Variants in CELSR1 observed in about 807,000 individuals in gnomAD.
CELSR1 encodes the protein adhesion G protein-coupled receptor C1.
Under a neutral mutation model 249.1 loss-of-function variants are expected in CELSR1, and 110 were observed. The observed-to-expected ratio is 0.44, with a 90% CI of 0.38 to 0.52. The LOEUF (loss-of-function observed/expected upper bound fraction) is 0.52, where lower values mean the gene tolerates loss of function less well. Among genes scored for constraint, CELSR1 ranks in the 20% least tolerant of loss-of-function variants. The pLI is 0.00. For synonymous variants in CELSR1, 2,113 were observed against 1,900.0 expected (o/e 1.11, Z -2.92); for missense variants, 4,109 against 4,296.4 (o/e 0.96, Z 1.22).
At position 46,397,859 on chromosome 22, in the gene CELSR1, T is replaced by C; in HGVS notation, c.5527-11A>G. ...CCCCATCCTCACTCCCTGCATTAAG[T>C]AAACGGCACTGGGGCTACAGGAGCC... On this transcript the variant is annotated splice_polypyrimidine_tract_variant and intron_variant, in intron 11 of 34. Transcript: ENST00000674500. 5 of 1,534,264 alleles carry C rather than the reference T, an allele frequency of 3.3e-6. No individual in the cohort carries two copies. Among genetic ancestry groups the C allele is most frequent in the Non-Finnish European group, 4.4e-6 (5 of 1,135,224 alleles).
chr22:46,364,029 G>A lies in CELSR1; in HGVS notation c.9002C>T (p.Thr3001Ile), dbSNP rs1477566347. Residue 3001 changes from threonine to isoleucine, a missense_variant, in exon 34 of 35, where the codon ACT (threonine) becomes ATT (isoleucine). Physicochemically the swap from Thr to Ile is moderately conservative, Grantham distance 89 (BLOSUM62 -1). Around this residue, in one of 7 missense-constraint regions of CELSR1, gnomAD observed 1,805 missense variants for 1,831.6 expected, o/e 0.99. Coordinates refer to ENST00000674500, the MANE Select transcript of CELSR1 (RefSeq NM_001378328.1). ...GGAGCCATCGGCCTGGGCGCTCCCA[G>A]TGCGCACATTCATGGCCACCCCGTT... ...HLNGVAMNVR[T>I]GSAQADGSDS... The A allele has an allele frequency of 6.2e-6, 10 of 1,610,898 alleles. 1 individual carries two copies. The South Asian group carries it at 1.1e-4, about 18-fold the overall frequency.
Position 46,534,653 on chromosome 22 carries a change from C to G in CELSR1, c.2518G>C (p.Asp840His). ...DPVPQFRIDP[D>H]SGTMYTMMEL... ...ATCATGGTGTACATGGTGCCACTGT[C>G]GGGGTCAATGCGGAACTGCGGCACG... The change falls in exon 1 of 35, where the codon GAC becomes CAC. Residue 840 changes from aspartate (D) to histidine (H), a missense_variant. This residue lies in a region of CELSR1 where 886 missense variants were observed against 896.5 expected (regional missense o/e 0.99). Transcript: ENST00000674500. The surrounding 1 kb of genome is among the most constrained non-coding windows in gnomAD (Gnocchi z 9.7). 4 of 1,613,824 alleles carry G rather than the reference C, an allele frequency of 2.5e-6. No homozygotes were observed. Among genetic ancestry groups the G allele is most frequent in the Non-Finnish European group, 3.4e-6 (4 of 1,180,030 alleles).
chr22:46,487,842 G>A (rs2080329931), intron 1 of CELSR1, among the ~76,000 whole-genome samples: 1 of 144,534 alleles, frequency 6.9e-6, no homozygotes, highest in South Asian at 2.3e-4. Flanking sequence ...TTGGGAAGAA[G>A]GGAGTCCAGG....
At chr22:46,416,686 G>C (rs892713633) in intron 5 of CELSR1, among the ~76,000 whole-genome samples, 5 of 152,174 alleles carry the variant, frequency 3.3e-5, no homozygotes, top group African/African-American at 1.2e-4. Flanking sequence ...TGGCCCAGAA[G>C]CGCTAAGCTG....
Position 46,412,747 on chromosome 22 carries a change from C to T in CELSR1, c.4612-988G>A, listed in dbSNP as rs1319696651. 6.6e-6 allele frequency among the ~76,000 whole-genome samples: 1 copy of T among 152,204 alleles called. No homozygotes were observed. The highest frequency in any genetic ancestry group is 1.5e-5 in the Non-Finnish European group (1 of 68,030). On this transcript the variant is annotated intron_variant, in intron 5 of 34. Coordinates refer to ENST00000674500, the MANE Select transcript of CELSR1 (RefSeq NM_001378328.1). This position sits in a 1 kb window ranked among gnomAD's most constrained non-coding sequence, Gnocchi z 4.5. ...AAAGCAGCACCCGCCCTACACAATCCATGCTGGCCACGGAACTTAAGCATG... is the reference window on the plus strand; with the variant it reads ...AAAGCAGCACCCGCCCTACACAATCTATGCTGGCCACGGAACTTAAGCATG...
Position 46,391,702 on chromosome 22 carries a change from C to A in CELSR1, c.6079G>T (p.Gly2027Cys), listed in dbSNP as rs773353519. Reference protein sequence around the residue: ...MATGQCACKPGVIGRQCNRCD... With the variant: ...MATGQCACKPCVIGRQCNRCD... ...CGGTTGCACTGGCGGCCGATGACGC[C>A]GGGCTTGCAGGCACACTGCCCGGTG... The change falls in exon 15 of 35, where the codon GGC becomes TGC. Residue 2027 changes from glycine (G) to cysteine (C), a missense_variant. By Grantham distance (159) the Gly-to-Cys change is radical. Transcript: ENST00000674500. This position sits in a 1 kb window ranked among gnomAD's most constrained non-coding sequence, Gnocchi z 4.3. 1.9e-6 allele frequency: 3 copies of A among 1,610,790 alleles called. No homozygotes were observed. Among genetic ancestry groups the A allele is most frequent in the Admixed American group, 3.4e-5 (2 of 59,618 alleles).
chr22:46,449,766 G>A (rs1188915649), intron 2 of CELSR1, among the ~76,000 whole-genome samples: 1 of 152,162 alleles, frequency 6.6e-6, no homozygotes, highest in Non-Finnish European at 1.5e-5. Context: ...TGGAGGGGAG[G>A]GGAGGGGTCA....
At chr22:46,515,121 G>A (rs1042853589) in intron 1 of CELSR1, among the ~76,000 whole-genome samples, 1 of 101,646 alleles carries the variant, frequency 9.8e-6, no homozygotes, top group Admixed American at 1.1e-4. Flanking sequence ...TCCCAGCAGA[G>A]CCAACCCCCC....
In CELSR1 at chr22:46,454,467, G is replaced by A. The variant is rs927596345; in HGVS notation, c.4183+9240C>T. On this transcript the variant is annotated intron_variant, in intron 2 of 34. Coordinates refer to ENST00000674500, the MANE Select transcript of CELSR1 (RefSeq NM_001378328.1). This position sits in a 1 kb window ranked among gnomAD's most constrained non-coding sequence, Gnocchi z 5.1. ...CATGACCCGCAGCCAGCCCGGCCAG[G>A]CAGCCTTGTCTCCCCTCAACAGCAC... Among the ~76,000 whole-genome samples, 1 of 152,196 alleles carries A rather than the reference G, an allele frequency of 6.6e-6. No homozygotes were observed. Among genetic ancestry groups the A allele is most frequent in the Non-Finnish European group, 1.5e-5 (1 of 68,034 alleles).
chr22:46,433,294 C>G lies in CELSR1; in HGVS notation c.4611+99G>C. The stretch of plus-strand genomic sequence containing the variant: ...AGGTAATCCACCTGCCTTGGCCTCT[C>G]AAAGTGCTGGGATTACAGGCGTGAG... On this transcript the variant is annotated intron_variant, in intron 5 of 34. Transcript: ENST00000674500. The surrounding 1 kb of genome is among the most constrained non-coding windows in gnomAD (Gnocchi z 5.7). 1.1e-6 allele frequency: 1 copy of G among 884,980 alleles called. No homozygotes were observed. The highest frequency in any genetic ancestry group is 1.7e-6 in the Non-Finnish European group (1 of 572,918). 54.8% of individuals were successfully genotyped at this position (884,980 alleles called of 1,614,324 possible).
chr22:46,365,512 G>A (rs1185030213), intron 31 of CELSR1, 74 bp downstream of exon 31: 1 of 1,538,392 alleles, frequency 6.5e-7, no homozygotes. Flanking sequence ...CTTCTTCAGG[G>A]GCAGTCTGTC....
rs1164632985 is a variant in CELSR1, at chr22:46,472,259, T to C, written c.3545-7914A>G. On this transcript the variant is annotated intron_variant, in intron 1 of 34. Coordinates refer to ENST00000674500, the MANE Select transcript of CELSR1 (RefSeq NM_001378328.1). This position sits in a 1 kb window ranked among gnomAD's most constrained non-coding sequence, Gnocchi z 7.0. ...GGAACTTTCTGGGTCTTCATGGAGG[T>C]TGGGACCTGTCCAGTCCCCGACTTT... is the stretch of plus-strand genomic sequence containing the variant. Among the ~76,000 whole-genome samples, 1 of 152,102 alleles carries C rather than the reference T, an allele frequency of 6.6e-6. No homozygotes were observed. Among genetic ancestry groups the C allele is most frequent in the East Asian group, 1.9e-4 (1 of 5,182 alleles).
At chr22:46,377,318 G>A (rs1193204041) in intron 23 of CELSR1, 57 bp from the exon 24 acceptor site, 1 of 1,538,886 alleles carries the variant, frequency 6.5e-7, no homozygotes, top group Non-Finnish European at 8.9e-7. Context: ...CTCAGATCTG[G>A]TCATTGCATA....
At chr22:46,416,378 C>T (rs1010380026) in intron 5 of CELSR1, among the ~76,000 whole-genome samples, 3 of 151,742 alleles carry the variant, frequency 2.0e-5, no homozygotes, top group Non-Finnish European at 4.4e-5. Context: ...GCCCAGAGGA[C>T]CCCCCCCAAC....
rs1347649182 is a variant in CELSR1 at position 46,506,359 on chromosome 22, G to GCCAAA, written c.3544+27267_3544+27268insTTTGG. 2.0e-4 allele frequency among the ~76,000 whole-genome samples: 31 copies of GCCAAA among 152,236 alleles called. No individual in the cohort carries two copies. The highest frequency in any genetic ancestry group is 5.9e-4 in the Admixed American group (9 of 15,290). ...GCAGGCCCTGTTGGGGTTTGGGGAG[G>GCCAAA]CCCCACCTCCCTCCTCAGACTTACT... On this transcript the variant is annotated intron_variant, in intron 1 of 34. Transcript: ENST00000674500. The surrounding 1 kb of genome is among the most constrained non-coding windows in gnomAD (Gnocchi z 4.1).
Position 46,394,021 on chromosome 22 carries a change from G to A in CELSR1, c.5964+121C>T. ...AAATGTGATGTGAGTGGGCACAGGT[G>A]TGTGTGCAGGGGTGTGAGTGTGTAC... On this transcript the variant is annotated intron_variant, in intron 14 of 34. Coordinates refer to ENST00000674500, the MANE Select transcript of CELSR1 (RefSeq NM_001378328.1). 3.2e-6 allele frequency: 4 copies of A among 1,251,764 alleles called. No individual in the cohort carries two copies. In the South Asian group the frequency reaches 4.4e-5, roughly 14 times the overall value. The allele number at this position is 1,251,764 out of a possible 1,614,324, so 77.5% of individuals were successfully genotyped here.
chr22:46,505,261 C>CAAAAAAAA lies in CELSR1; in HGVS notation c.3544+28358_3544+28365dup, dbSNP rs3081585. On this transcript the variant is annotated intron_variant, in intron 1 of 34. Transcript: ENST00000674500. ...TGGGCGACAGAGCAAGACTCTGTCTCAAAAAAAAAAAAAAAAAAAAAGAGC... is the reference window on the plus strand; with the variant it reads ...TGGGCGACAGAGCAAGACTCTGTCTCAAAAAAAAAAAAAAAAAAAAAAAAAAAAAGAGC... Among the ~76,000 whole-genome samples the CAAAAAAAA allele has an allele frequency of 4.0e-4, 25 of 62,510 alleles. 1 individual carries two copies. Among genetic ancestry groups the CAAAAAAAA allele is most frequent in the African/African-American group, 1.2e-3 (17 of 14,572 alleles). The allele number at this position is 62,510 out of a possible 152,430, so 41.0% of individuals were successfully genotyped here. A position where few individuals can be genotyped will look rare whatever the true frequency, so the allele number is the denominator to read the frequency against.
At chr22:46,474,650 T>C (rs1354201738) in intron 1 of CELSR1, among the ~76,000 whole-genome samples, 2 of 152,332 alleles carry the variant, frequency 1.3e-5, no homozygotes, top group African/African-American at 2.4e-5. Flanking sequence ...ATAGTCATCC[T>C]ATTGTACAAT....
intron 14 of CELSR1, among the ~76,000 whole-genome samples, chr22:46,392,885 T>C (rs1052017708): frequency 8.5e-5 from 13 of 152,096 alleles, no homozygotes; most frequent in African/African-American, 3.1e-4. Flanking sequence ...AAAAAAATCG[T>C]AGGCAAGTTT....
Sources: gnomAD v4.1 joint callset for allele counts (sites outside exome capture counted in the v4.1 genomes callset) on GRCh38, gnomAD v4.1.1 for gene constraint, gnomAD v4.1.1 regional missense constraint, Gnocchi (gnomAD v3.1) non-coding constraint, MANE v1.5 for transcripts, NCBI Gene and HGNC (gene_info 2026-07-23, HGNC 2026-07-21) for gene names.